The following SLC25A30 variants were observed in gnomAD, a reference collection of about 807,000 sequenced individuals.
SLC25A30 encodes the protein kidney mitochondrial carrier protein 1.
Under a neutral mutation model 42.7 loss-of-function variants are expected in SLC25A30, and 29 were observed. The observed-to-expected ratio is 0.68, with a 90% CI of 0.51 to 0.93. The LOEUF is 0.93. Ranked by LOEUF, SLC25A30 falls within the 40% of genes least tolerant of loss-of-function variation. The pLI is 0.00. For synonymous variants in SLC25A30, 124 were observed against 131.0 expected, an observed-to-expected ratio of 0.95 and a Z score of 0.37; for missense variants, 300 against 359.7, an observed-to-expected ratio of 0.83 and a Z score of 1.34.
Position 45,409,052 on chromosome 13 carries a change from G to A in SLC25A30, c.87C>T (p.Thr29=). 2.5e-6 allele frequency: 4 copies of A among 1,601,660 alleles called. No individual in the cohort carries two copies. The highest frequency in any genetic ancestry group is 3.4e-6 in the Non-Finnish European group (4 of 1,176,000). Residue 29 remains threonine (T), a synonymous_variant, in exon 3 of 10, where the codon ACC becomes ACT. Transcript: ENST00000519676. ...AECGTFPIDL[T]KTRLQIQGQT... is the part of the protein sequence containing the mutation. ...GGCCTTGAATCTGGAGCCGTGTCTT[G>A]GTTAAATCAATTGGAAATGTACCTT... is the stretch of plus-strand genomic sequence containing the variant.
At chr13:45,424,955 T>A in the SLC25A30 span, among the ~76,000 whole-genome samples, 1 of 66,606 alleles carries the variant, frequency 1.5e-5, no homozygotes, top group African/African-American at 7.7e-5. Flanking sequence ...AATATATAAA[T>A]AAATATATAA....
At chr13:45,400,979 G>T in intron 7 of SLC25A30, 104 bp downstream of exon 7, 1 of 1,011,994 alleles carries the variant, frequency 9.9e-7, no homozygotes, top group Non-Finnish European at 1.4e-6. Flanking sequence ...ACCTGGTCCT[G>T]CTTCACTTCT....
At chr13:45,411,234 C>T (rs1330294844) in intron 2 of SLC25A30, 128 bp downstream of exon 2, 1 of 774,544 alleles carries the variant, frequency 1.3e-6, no homozygotes, top group Non-Finnish European at 2.3e-6. Flanking sequence ...GCCACCACAC[C>T]CAGCTAACAG....
the SLC25A30 span, among the ~76,000 whole-genome samples, chr13:45,423,539 T>TATATATAAATACATAAAAAAA: frequency 1.1e-5 from 1 of 92,112 alleles, no homozygotes; most frequent in Non-Finnish European, 2.2e-5. Context: ...TATATACAAA[T>TATATATAAATACATAAAAAAA]ATATATAAAT....
rs1881203325 is a variant in SLC25A30 at position 45,394,966 on chromosome 13, TAC to T, written c.*1006_*1007del. ...GAAAATGTACTAAAGCCTGAACTTATACAGTGTTCTTTCTTCAACAAGACCTT... is the reference window on the plus strand; with the variant it reads ...GAAAATGTACTAAAGCCTGAACTTATAGTGTTCTTTCTTCAACAAGACCTT... On this transcript the variant is annotated 3_prime_UTR_variant, in exon 10 of 10. Coordinates refer to ENST00000519676, the MANE Select transcript of SLC25A30 (RefSeq NM_001010875.4). The T allele has an allele frequency of 1.0e-6, 1 of 985,448 alleles. No homozygotes were observed. Among genetic ancestry groups the T allele is most frequent in the Non-Finnish European group, 1.2e-6 (1 of 829,934 alleles). 61.0% of individuals were successfully genotyped at this position (985,448 alleles called of 1,614,324 possible).
intron 5 of SLC25A30, among the ~76,000 whole-genome samples, chr13:45,403,250 CAT>C (rs1882169901): frequency 6.6e-6 from 1 of 152,188 alleles, no homozygotes; most frequent in South Asian, 2.1e-4. Context: ...TGCTACAATG[CAT>C]ATATAACTGT....
Position 45,394,035 on chromosome 13 carries a change from G to T in SLC25A30, c.*1939C>A, listed in dbSNP as rs557813385. On this transcript the variant is annotated 3_prime_UTR_variant, in exon 10 of 10. Coordinates refer to ENST00000519676, the MANE Select transcript of SLC25A30 (RefSeq NM_001010875.4). ...AAGAAAAGCAATCTTTAAACTCAAA[G>T]AACTCAAAAGTGAAAGCCTCTCTAT... is the stretch of plus-strand genomic sequence containing the variant. The T allele has an allele frequency of 5.5e-5, 54 of 982,914 alleles. No individual in the cohort carries two copies. The highest frequency in any genetic ancestry group is 6.2e-5 in the Non-Finnish European group (51 of 828,350). The allele number at this position is 982,914 out of a possible 1,614,324, so 60.9% of individuals were successfully genotyped here. A position where few individuals can be genotyped will look rare whatever the true frequency, so the allele number is the denominator to read the frequency against.
intron 1 of SLC25A30, among the ~76,000 whole-genome samples, chr13:45,413,596 C>T (rs1035057006): frequency 1.3e-5 from 2 of 151,972 alleles, no homozygotes; most frequent in Non-Finnish European, 2.9e-5. Flanking sequence ...CTCTTGTCCC[C>T]CAGGCTGGAA....
At chr13:45,405,793 A>C in intron 4 of SLC25A30, 90 bp downstream of exon 4, 1 of 1,168,582 alleles carries the variant, frequency 8.6e-7, no homozygotes, top group Non-Finnish European at 1.2e-6. Context: ...AGTCACAAAT[A>C]AGCTGAAGAA....
rs986179943 is a variant in SLC25A30 at position 45,406,386 on chromosome 13, G to A, written c.213-409C>T. On this transcript the variant is annotated intron_variant, in intron 3 of 9. Coordinates refer to ENST00000519676, the MANE Select transcript of SLC25A30 (RefSeq NM_001010875.4). ...TGCACCCGGCCTCTAAAACGATTTC[G>A]TAAAATTCAAAATCCAACAAAAACA... Among the ~76,000 whole-genome samples, 5 of 152,102 alleles carry A rather than the reference G, an allele frequency of 3.3e-5. No homozygotes were observed. The South Asian group carries it at 8.3e-4, about 25-fold the overall frequency.
the SLC25A30 span, among the ~76,000 whole-genome samples, chr13:45,432,162 C>A: frequency 1.8e-4 from 27 of 150,774 alleles, no homozygotes; most frequent in African/African-American, 5.9e-4. Flanking sequence ...CCCAGGTACT[C>A]GGGAGGCTGA....
chr13:45,400,043 C>CACAT (rs1566202584), intron 7 of SLC25A30, among the ~76,000 whole-genome samples: 1 of 98,066 alleles, frequency 1.0e-5, no homozygotes, highest in South Asian at 2.8e-4. Flanking sequence ...TACACACACA[C>CACAT]ACACACACAC....
chr13:45,405,032 C>T (rs1275395317), intron 4 of SLC25A30, among the ~76,000 whole-genome samples: 4 of 152,144 alleles, frequency 2.6e-5, no homozygotes. Flanking sequence ...AGGTGATCCT[C>T]CCATCTCAGC....
intron 5 of SLC25A30, among the ~76,000 whole-genome samples, chr13:45,403,700 G>A (rs1454030090): frequency 6.6e-6 from 1 of 152,046 alleles, no homozygotes. Context: ...CACTTTGGGA[G>A]GCCAAGGCGG....
chr13:45,433,511 A>G, the SLC25A30 span, among the ~76,000 whole-genome samples: 2 of 152,180 alleles, frequency 1.3e-5, no homozygotes, highest in Non-Finnish European at 2.9e-5. Context: ...TGAAAGTTGT[A>G]TTACCCTGTG....
upstream of SLC25A30, among the ~76,000 whole-genome samples, chr13:45,421,966 G>T (rs1230363103): frequency 1.3e-5 from 2 of 152,078 alleles, no homozygotes; most frequent in Non-Finnish European, 2.9e-5. Flanking sequence ...TTGCCATTTA[G>T]GCCTTTTATT....
At chr13:45,429,662 C>T in the SLC25A30 span, among the ~76,000 whole-genome samples, 6 of 151,530 alleles carry the variant, frequency 4.0e-5, no homozygotes, top group Non-Finnish European at 8.8e-5. Flanking sequence ...GAGACCCTGT[C>T]TCTACAAAAA....
chr13:45,400,033 T>TATATATACACAC (rs571184813), intron 7 of SLC25A30, among the ~76,000 whole-genome samples: 6 of 122,988 alleles, frequency 4.9e-5, no homozygotes, highest in Non-Finnish European at 6.7e-5. Flanking sequence ...TATATATATA[T>TATATATACACAC]ACACACACAC....
At chr13:45,401,035 A>G in intron 7 of SLC25A30, 48 bp downstream of exon 7, 1 of 1,484,390 alleles carries the variant, frequency 6.7e-7, no homozygotes, top group Non-Finnish European at 9.1e-7. Context: ...TTTATAATAA[A>G]CTTTCTTTAG....
Sources: gnomAD v4.1 joint callset for allele counts (sites outside exome capture counted in the v4.1 genomes callset) on GRCh38, gnomAD v4.1.1 for gene constraint, MANE v1.5 for transcripts, NCBI Gene and HGNC (gene_info 2026-07-23, HGNC 2026-07-21) for gene names.